SORBS2: variants seen among roughly 807,000 people sequenced by gnomAD.
SORBS2 encodes the protein sorbin and SH3 domain containing 2, also known as sorbin and SH3 domain-containing protein 2.
In SORBS2, 46 loss-of-function variants were observed where a neutral mutation model predicts 97.7. That is an observed-to-expected ratio of 0.47 (90% confidence interval 0.37 to 0.60). SORBS2 has a LOEUF of 0.60. Among genes scored for constraint, SORBS2 ranks in the 20% least tolerant of loss-of-function variants. The pLI is 0.00. For synonymous variants in SORBS2, 476 were observed against 473.4 expected, an observed-to-expected ratio of 1.01 and a Z score of -0.07; for missense variants, 1,316 against 1,282.3, an observed-to-expected ratio of 1.03 and a Z score of -0.40.
At chr4:185,950,382 A>T (rs2099276651) in intron 1 of SORBS2, among the ~76,000 whole-genome samples, 1 of 152,252 alleles carries the variant, frequency 6.6e-6, no homozygotes, top group Non-Finnish European at 1.5e-5. Flanking sequence ...TTAGAGGCAG[A>T]TGAAGTATAA....
chr4:185,738,635 T>C (rs1007598363), intron 2 of SORBS2, among the ~76,000 whole-genome samples: 4 of 152,266 alleles, frequency 2.6e-5, no homozygotes, highest in African/African-American at 9.6e-5. Context: ...TTTTCTGGGT[T>C]ATAAAAATTC....
intron 1 of SORBS2, among the ~76,000 whole-genome samples, chr4:185,933,702 C>T (rs749781546): frequency 6.6e-6 from 1 of 152,104 alleles, no homozygotes; most frequent in Non-Finnish European, 1.5e-5. Context: ...ATGCCCACCC[C>T]ACTCCAAAAT....
At chr4:185,661,209 G>A (rs1367716445), upstream of SORBS2, among the ~76,000 whole-genome samples, 3 of 151,510 alleles carry the variant, frequency 2.0e-5, no homozygotes, top group African/African-American at 7.3e-5. Context: ...CCAGGAGGCA[G>A]AGGTTGCAGT....
intron 1 of SORBS2, among the ~76,000 whole-genome samples, chr4:185,861,756 C>A (rs924661291): frequency 3.9e-5 from 6 of 152,134 alleles, no homozygotes; most frequent in Non-Finnish European, 8.8e-5. Flanking sequence ...CAGGCACCTG[C>A]CACTGTGCCT....
intron 2 of SORBS2, among the ~76,000 whole-genome samples, chr4:185,729,229 C>T (rs1024163679): frequency 6.6e-6 from 1 of 152,146 alleles, no homozygotes; most frequent in Non-Finnish European, 1.5e-5. Flanking sequence ...AAGTAAAACT[C>T]TTGTTCAGGG....
At chr4:185,749,846 C>A (rs986087986) in intron 2 of SORBS2, among the ~76,000 whole-genome samples, 1 of 152,198 alleles carries the variant, frequency 6.6e-6, no homozygotes, top group Non-Finnish European at 1.5e-5. Flanking sequence ...TAAACGTCCA[C>A]CCATTAGGCT....
At chr4:185,690,644 T>A in intron 2 of SORBS2, 33 bp from the exon 4 acceptor site, 1 of 929,110 alleles carries the variant, frequency 1.1e-6, no homozygotes, top group Non-Finnish European at 1.6e-6. Context: ...AATTGTTCAC[T>A]AGCATGTGGA....
chr4:185,885,173 G>A lies in SORBS2; in HGVS notation c.-338+71023C>T. Among the ~76,000 whole-genome samples, 2 of 152,220 alleles carry A rather than the reference G, an allele frequency of 1.3e-5. 1 individual carries two copies. ...CTTCTTCAAAGCTGTTAAGGCGTAA[G>A]CTAGAAGTAAGTGGTCTTTGTAGCC... On this transcript the variant is annotated intron_variant, in intron 1 of 20. Coordinates refer to the SORBS2 transcript ENST00000284776.
intron 1 of SORBS2, among the ~76,000 whole-genome samples, chr4:185,853,612 A>G (rs1029657541): frequency 5.9e-5 from 9 of 152,242 alleles, no homozygotes; most frequent in African/African-American, 1.9e-4. Context: ...AATGTGAGCT[A>G]TAAGTGCAAA....
intron 1 of SORBS2, among the ~76,000 whole-genome samples, chr4:185,839,044 G>A (rs1322575046): frequency 6.6e-6 from 1 of 152,074 alleles, no homozygotes; most frequent in African/African-American, 2.4e-5. Flanking sequence ...ACTCTTCAAG[G>A]CCCCAACACT....
chr4:185,618,658 C>T (rs1581088188), intron 8 of SORBS2, 27 bp from the exon 21 acceptor site: 1 of 1,479,016 alleles, frequency 6.8e-7, no homozygotes, highest in Non-Finnish European at 9.2e-7. Flanking sequence ...ACAATTAGCA[C>T]TAATTTAAAA....
chr4:185,624,193 C>G (rs888414138), exon 7 of SORBS2: 4 of 1,614,240 alleles, frequency 2.5e-6, no homozygotes, highest in Non-Finnish European at 3.4e-6. Context: ...CCTCACATAA[C>G]AGGGAGCCCA....
intron 12 of SORBS2, among the ~76,000 whole-genome samples, chr4:185,603,344 A>C (rs1561344278): frequency 6.6e-6 from 1 of 152,372 alleles, no homozygotes; most frequent in South Asian, 2.1e-4. Context: ...GCATCATATA[A>C]AGTGGCATTA....
At chr4:185,656,808 T>A in exon 1 of SORBS2, 1 of 1,399,228 alleles carries the variant, frequency 7.1e-7, no homozygotes, top group Non-Finnish European at 9.3e-7. Flanking sequence ...GTTTTAAAAC[T>A]TAAAAAAAAA....
At chr4:185,926,346 A>C (rs1167146486) in intron 1 of SORBS2, among the ~76,000 whole-genome samples, 1 of 152,184 alleles carries the variant, frequency 6.6e-6, no homozygotes, top group Non-Finnish European at 1.5e-5. Context: ...GTTTAGGCTG[A>C]GTCCTGGAGG....
chr4:185,690,592 T>A, intron 2 of SORBS2: 1 of 1,503,336 alleles, frequency 6.7e-7, no homozygotes. Flanking sequence ...GAGAGTTTGT[T>A]ATTAAAGTCT....
chr4:185,795,740 T>A (rs1348606451), intron 1 of SORBS2, among the ~76,000 whole-genome samples: 8 of 152,250 alleles, frequency 5.3e-5, no homozygotes, highest in African/African-American at 1.9e-4. Context: ...TGCTGCTCAA[T>A]ATATTTCTAT....
At chr4:185,944,545 A>G (rs368739926) in intron 1 of SORBS2, among the ~76,000 whole-genome samples, 3 of 152,230 alleles carry the variant, frequency 2.0e-5, no homozygotes, top group South Asian at 2.1e-4. Context: ...GAAATCACAC[A>G]GCCCTTTTGA....
chr4:185,612,295 G>C (rs1273518195), intron 11 of SORBS2, among the ~76,000 whole-genome samples: 2 of 152,114 alleles, frequency 1.3e-5, no homozygotes, highest in Non-Finnish European at 2.9e-5. Context: ...TCAAAAAGCA[G>C]AATAGTGTAA....
Sources: gnomAD v4.1 joint callset for allele counts (sites outside exome capture counted in the v4.1 genomes callset) on GRCh38, gnomAD v4.1.1 for gene constraint, MANE v1.5 for transcripts, NCBI Gene and HGNC (gene_info 2026-07-23, HGNC 2026-07-21) for gene names.